KIF26B: variants seen among roughly 807,000 people sequenced by gnomAD.
KIF26B encodes the protein kinesin family member 26B, also known as kinesin-like protein KIF26B.
Under a neutral mutation model 151.2 loss-of-function variants are expected in KIF26B, and 63 were observed. That is an observed-to-expected ratio of 0.42 (90% confidence interval 0.34 to 0.51). The LOEUF (loss-of-function observed/expected upper bound fraction) is 0.51, where lower values mean the gene tolerates loss of function less well. Ranked by LOEUF, KIF26B falls within the 20% of genes least tolerant of loss-of-function variation. The pLI, the probability that KIF26B is intolerant of heterozygous loss-of-function variation, is 0.07. For synonymous variants in KIF26B, 1,357 were observed against 1,262.1 expected (o/e 1.08, Z -1.59); for missense variants, 2,813 against 2,913.6 (o/e 0.97, Z 0.79).
At chr1:245,314,400 C>T (rs1200918822) in intron 2 of KIF26B, among the ~76,000 whole-genome samples, 4 of 152,038 alleles carry the variant, frequency 2.6e-5, no homozygotes, top group Non-Finnish European at 4.4e-5. Context: ...TGCAGTGAGT[C>T]GAGATCGTGC....
chr1:245,384,921 C>T (rs1012611095), intron 3 of KIF26B, among the ~76,000 whole-genome samples: 5 of 152,164 alleles, frequency 3.3e-5, no homozygotes, highest in Non-Finnish European at 7.4e-5. Context: ...TAATTCACCT[C>T]ACATCTCCCC....
intron 2 of KIF26B, among the ~76,000 whole-genome samples, chr1:245,186,244 G>A (rs1668999172): frequency 1.3e-5 from 2 of 152,026 alleles, no homozygotes; most frequent in Admixed American, 1.3e-4. Flanking sequence ...TCAACAGAAT[G>A]CCCCCTTCGA....
intron 4 of KIF26B, among the ~76,000 whole-genome samples, chr1:245,514,234 A>T (rs1660900858): frequency 6.6e-6 from 1 of 152,208 alleles, no homozygotes; most frequent in African/African-American, 2.4e-5. Context: ...CAGTTAAAAA[A>T]TAAAAAATAA....
intron 4 of KIF26B, among the ~76,000 whole-genome samples, chr1:245,492,969 C>T (rs1325859448): frequency 2.6e-5 from 4 of 151,922 alleles, no homozygotes; most frequent in African/African-American, 4.8e-5. Context: ...GTAGTAGAGA[C>T]GGGGTTTCAT....
chr1:245,622,019 G>A (rs990512229), intron 9 of KIF26B, among the ~76,000 whole-genome samples: 1 of 152,340 alleles, frequency 6.6e-6, no homozygotes, highest in Admixed American at 6.5e-5. Flanking sequence ...GACTGTTAGA[G>A]TCAGAATTGG....
chr1:245,308,146 C>T (rs916741130), intron 2 of KIF26B, among the ~76,000 whole-genome samples: 3 of 152,100 alleles, frequency 2.0e-5, no homozygotes, highest in Admixed American at 6.5e-5. Flanking sequence ...GAGTTTAAAC[C>T]GGCCTCTGGG....
At chr1:245,181,851 G>A (rs1053776509) in intron 2 of KIF26B, among the ~76,000 whole-genome samples, 4 of 152,134 alleles carry the variant, frequency 2.6e-5, no homozygotes, top group African/African-American at 9.7e-5. Context: ...AGGAGGAGAT[G>A]CTGGCGACCG....
intron 2 of KIF26B, among the ~76,000 whole-genome samples, chr1:245,217,387 C>T (rs1264068559): frequency 7.3e-5 from 10 of 136,610 alleles, no homozygotes; most frequent in East Asian, 2.2e-4. Context: ...TTTTTTGAGA[C>T]GGAGTCTCGC....
intron 5 of KIF26B, among the ~76,000 whole-genome samples, chr1:245,577,747 C>T: frequency 6.9e-6 from 1 of 145,408 alleles, no homozygotes; most frequent in Admixed American, 6.8e-5. Context: ...CGATGCATCT[C>T]CTCACCGGAA....
At chr1:245,343,502 A>T (rs999306585) in intron 2 of KIF26B, among the ~76,000 whole-genome samples, 2 of 152,226 alleles carry the variant, frequency 1.3e-5, no homozygotes. Context: ...TATGAAAATG[A>T]ATATAGAATT....
chr1:245,490,862 A>G (rs1424994456), intron 4 of KIF26B, among the ~76,000 whole-genome samples: 1 of 152,240 alleles, frequency 6.6e-6, no homozygotes, highest in Non-Finnish European at 1.5e-5. Context: ...GAACCTGTCT[A>G]TCAAGAATCC....
At chr1:245,566,376 C>G (rs562742480) in intron 5 of KIF26B, among the ~76,000 whole-genome samples, 1 of 152,232 alleles carries the variant, frequency 6.6e-6, no homozygotes, top group Admixed American at 6.5e-5. Flanking sequence ...GAACCACAGG[C>G]TCCTCACGGA....
intron 3 of KIF26B, among the ~76,000 whole-genome samples, chr1:245,399,472 A>G (rs1475298191): frequency 6.6e-6 from 1 of 152,186 alleles, no homozygotes; most frequent in Non-Finnish European, 1.5e-5. Flanking sequence ...ATCATTTTCA[A>G]ATTCCGCTGT....
At chr1:245,567,364 G>A (rs893715067) in intron 5 of KIF26B, among the ~76,000 whole-genome samples, 1 of 152,058 alleles carries the variant, frequency 6.6e-6, no homozygotes, top group African/African-American at 2.4e-5. Context: ...CCCTTTCAGC[G>A]TCCAGTGATG....
chr1:245,464,471 G>C (rs1307429945), intron 4 of KIF26B, among the ~76,000 whole-genome samples: 1 of 150,786 alleles, frequency 6.6e-6, no homozygotes, highest in African/African-American at 2.4e-5. Context: ...GCGTGCGCGT[G>C]TGGGGGTGTG....
intron 2 of KIF26B, among the ~76,000 whole-genome samples, chr1:245,261,473 C>T (rs1218649606): frequency 5.7e-4 from 5 of 8,794 alleles, no homozygotes; most frequent in Admixed American, 1.8e-3. Flanking sequence ...TTCTTTCTCT[C>T]TCTCTCTCTC....
intron 2 of KIF26B, among the ~76,000 whole-genome samples, chr1:245,186,165 G>T (rs1390967911): frequency 1.3e-5 from 2 of 151,868 alleles, no homozygotes; most frequent in Non-Finnish European, 2.9e-5. Flanking sequence ...GGGCCACTGC[G>T]CCTGGCCCTA....
At chr1:245,393,798 C>G (rs1673757001) in intron 3 of KIF26B, among the ~76,000 whole-genome samples, 1 of 152,096 alleles carries the variant, frequency 6.6e-6, no homozygotes, top group African/African-American at 2.4e-5. Context: ...TGACTCAGCC[C>G]CCTTGTTTTT....
intron 2 of KIF26B, among the ~76,000 whole-genome samples, chr1:245,274,914 T>C (rs546594440): frequency 5.3e-5 from 8 of 152,326 alleles, no homozygotes; most frequent in African/African-American, 1.4e-4. Context: ...TCTTCCAAAA[T>C]GGTTGAACTA....
Sources: gnomAD v4.1 joint callset for allele counts (sites outside exome capture counted in the v4.1 genomes callset) on GRCh38, gnomAD v4.1.1 for gene constraint, MANE v1.5 for transcripts, NCBI Gene and HGNC (gene_info 2026-07-23, HGNC 2026-07-21) for gene names.